FAM20B: variants seen among roughly 807,000 people sequenced by gnomAD.
FAM20B encodes glycosaminoglycan xylosylkinase.
A neutral mutation model predicts 43.8 loss-of-function variants in FAM20B; 23 were observed. The observed-to-expected ratio is 0.53, with a 90% CI of 0.38 to 0.74. The LOEUF (loss-of-function observed/expected upper bound fraction) is 0.74. FAM20B is among the 30% of genes least tolerant of loss of function. FAM20B has a pLI of 0.00. For synonymous variants in FAM20B, 178 were observed against 192.4 expected (o/e 0.93, Z 0.62); for missense variants, 440 against 510.5 (o/e 0.86, Z 1.33).
the FAM20B span, among the ~76,000 whole-genome samples, chr1:179,019,258 C>T: frequency 6.6e-6 from 1 of 152,064 alleles, no homozygotes; most frequent in African/African-American, 2.4e-5. Flanking sequence ...GAAAATGGTG[C>T]CTGAACATGA....
At chr1:179,060,148 G>A (rs1572553998) in intron 4 of FAM20B, among the ~76,000 whole-genome samples, 1 of 151,548 alleles carries the variant, frequency 6.6e-6, no homozygotes, top group Admixed American at 6.6e-5. Context: ...GGCACACTTT[G>A]CATACTTCTG....
chr1:179,020,154 TACACACACACACACACACACACACAC>T, the FAM20B span, among the ~76,000 whole-genome samples: 1 of 148,606 alleles, frequency 6.7e-6, no homozygotes, highest in South Asian at 2.2e-4. Context: ...TGTGTGTGTA[TACACACACACACACACACACACACAC>T]ACACACACAC....
At chr1:179,059,382 C>G (rs943626896) in intron 4 of FAM20B, among the ~76,000 whole-genome samples, 1 of 152,170 alleles carries the variant, frequency 6.6e-6, no homozygotes, top group South Asian at 2.1e-4. Flanking sequence ...CTTCACAACT[C>G]AGTGGTGGAG....
chr1:179,028,884 C>T (rs1371156395), intron 1 of FAM20B, among the ~76,000 whole-genome samples: 2 of 152,112 alleles, frequency 1.3e-5, no homozygotes, highest in African/African-American at 4.8e-5. Flanking sequence ...TTATTTAGTT[C>T]CTCTTTTTGT....
chr1:179,035,501 C>T (rs1160215496), intron 1 of FAM20B: 1 of 683,306 alleles, frequency 1.5e-6, no homozygotes, highest in Non-Finnish European at 2.7e-6. Flanking sequence ...CAGAAATGTC[C>T]CTGACTGCTG....
At chr1:179,061,955 C>T (rs1209106755) in intron 4 of FAM20B, among the ~76,000 whole-genome samples, 1 of 152,134 alleles carries the variant, frequency 6.6e-6, no homozygotes, top group Non-Finnish European at 1.5e-5. Flanking sequence ...ATTCTCCAAG[C>T]ACTTTCTTGC....
chr1:179,069,803 G>T (rs1651840381), intron 7 of FAM20B, among the ~76,000 whole-genome samples: 1 of 152,188 alleles, frequency 6.6e-6, no homozygotes. Flanking sequence ...TACTCCGTCT[G>T]TGCCTGTTTG....
At position 179,072,303 on chromosome 1, in the gene FAM20B, T is replaced by C. The variant is rs997410949; in HGVS notation, c.*159T>C. The C allele has an allele frequency of 1.6e-6, 1 of 613,226 alleles. No homozygotes were observed. Among genetic ancestry groups the C allele is most frequent in the African/African-American group, 1.8e-5 (1 of 54,112 alleles). 38.0% of individuals were successfully genotyped at this position (613,226 alleles called of 1,614,324 possible). A position where few individuals can be genotyped will look rare whatever the true frequency, so the allele number is the denominator to read the frequency against. On this transcript the variant is annotated 3_prime_UTR_variant, in exon 8 of 8. Coordinates refer to ENST00000263733, the MANE Select transcript of FAM20B (RefSeq NM_014864.4). ...CTTTGGTATTTTCTGTAGTAGAAAC[T>C]AAAGCAAAGACCACAAGTTTCAGAG...
chr1:179,048,557 T>G (rs553540150), intron 2 of FAM20B, among the ~76,000 whole-genome samples: 1 of 152,334 alleles, frequency 6.6e-6, no homozygotes, highest in African/African-American at 2.4e-5. Context: ...CCTGAAGTAC[T>G]AAAAATAAAG....
chr1:179,071,997 C>T lies in FAM20B; in HGVS notation c.1083C>T (p.Asp361=), dbSNP rs1306816249. Residue 361 remains aspartate (D), a synonymous_variant, in exon 8 of 8, where the codon GAC becomes GAT. Coordinates refer to ENST00000263733, the MANE Select transcript of FAM20B (RefSeq NM_014864.4). ...CCTTAAAATCTGCCATGGCCCATGA[C>T]CCCATCTCCCCAGTGCTCTCTGATC... ...KSALKSAMAH[D]PISPVLSDPH... 6.2e-7 allele frequency: 1 copy of T among 1,613,930 alleles called. No individual in the cohort carries two copies. Among genetic ancestry groups the T allele is most frequent in the Non-Finnish European group, 8.5e-7 (1 of 1,179,996 alleles).
chr1:179,054,275 C>T lies in FAM20B; in HGVS notation c.465-254C>T, dbSNP rs116486478. Among the ~76,000 whole-genome samples, 543 of 151,800 alleles carry T rather than the reference C, an allele frequency of 3.6e-3. 4 individuals are homozygous for T. Among genetic ancestry groups the T allele is most frequent in the African/African-American group, 0.013 (518 of 41,384 alleles). The stretch of plus-strand genomic sequence containing the variant: ...AAGAATAGTATAATGAGCCCATATA[C>T]CCACTCTGTAGATTTAAAAAGTGTT... On this transcript the variant is annotated intron_variant, in intron 3 of 7. Transcript: ENST00000263733.
At chr1:179,027,630 T>C (rs1449022382) in intron 1 of FAM20B, among the ~76,000 whole-genome samples, 1 of 152,186 alleles carries the variant, frequency 6.6e-6, no homozygotes, top group Non-Finnish European at 1.5e-5. Context: ...CAAGTATAAT[T>C]CAGACTCTCA....
chr1:179,021,690 C>CAG (rs1301211426), upstream of FAM20B, among the ~76,000 whole-genome samples: 2 of 151,968 alleles, frequency 1.3e-5, no homozygotes, highest in African/African-American at 4.8e-5. Flanking sequence ...TTTTACTGTG[C>CAG]AGATTTAAAG....
intron 4 of FAM20B, among the ~76,000 whole-genome samples, chr1:179,054,999 A>T (rs987774634): frequency 2.0e-5 from 3 of 152,194 alleles, no homozygotes; most frequent in African/African-American, 7.2e-5. Flanking sequence ...GTTTTTACAT[A>T]TATAATATGT....
intron 1 of FAM20B, among the ~76,000 whole-genome samples, chr1:179,030,044 T>A (rs1001419562): frequency 2.0e-5 from 3 of 152,220 alleles, no homozygotes; most frequent in Non-Finnish European, 2.9e-5. Context: ...GCTCTTTTGC[T>A]GCTGTTAGTA....
intron 1 of FAM20B, chr1:179,035,282 C>G (rs2102486460): frequency 4.8e-6 from 3 of 627,822 alleles, no homozygotes; most frequent in Non-Finnish European, 8.9e-6. Context: ...AATGGTCTGT[C>G]TTCAGTCTTT....
At position 179,072,984 on chromosome 1, in the gene FAM20B, G is replaced by C. The variant is rs2102532061; in HGVS notation, c.*840G>C. ...TACAATCTAAGCATGATTCTCTGTG[G>C]AGACTAATTTTTTCCCCTTTTGCCA... On this transcript the variant is annotated 3_prime_UTR_variant, in exon 8 of 8. Coordinates refer to ENST00000263733, the MANE Select transcript of FAM20B (RefSeq NM_014864.4). The C allele has an allele frequency of 6.6e-6, 1 of 152,292 alleles. No homozygotes were observed. The highest frequency in any genetic ancestry group is 2.1e-4 in the South Asian group (1 of 4,824). 9.4% of individuals were successfully genotyped at this position (152,292 alleles called of 1,614,324 possible).
rs960645086 is a variant in FAM20B at position 179,074,525 on chromosome 1, A to T, written c.*2381A>T. On this transcript the variant is annotated 3_prime_UTR_variant, in exon 8 of 8. Coordinates refer to ENST00000263733, the MANE Select transcript of FAM20B (RefSeq NM_014864.4). ...GAAGTCTTCTGAAACTGGGAACTTCATAACATTGAAGGCAGAAGATTCTGC... is the reference window on the plus strand; with the variant it reads ...GAAGTCTTCTGAAACTGGGAACTTCTTAACATTGAAGGCAGAAGATTCTGC... The T allele has an allele frequency of 1.3e-5, 2 of 152,272 alleles. No homozygotes were observed. Among genetic ancestry groups the T allele is most frequent in the African/African-American group, 4.8e-5 (2 of 41,472 alleles). The allele number at this position is 152,272 out of a possible 1,614,324, so 9.4% of individuals were successfully genotyped here.
intron 1 of FAM20B, chr1:179,035,392 G>A (rs1650179827): frequency 1.4e-6 from 1 of 709,198 alleles, no homozygotes; most frequent in African/African-American, 1.7e-5. Flanking sequence ...GGCTTCATGA[G>A]ATTGATTCCT....
Sources: gnomAD v4.1 joint callset for allele counts (sites outside exome capture counted in the v4.1 genomes callset) on GRCh38, gnomAD v4.1.1 for gene constraint, MANE v1.5 for transcripts, NCBI Gene and HGNC (gene_info 2026-07-23, HGNC 2026-07-21) for gene names.